The following MAGI2 variants were observed in gnomAD, a reference collection of about 807,000 sequenced individuals.
MAGI2 encodes the protein membrane associated guanylate kinase, WW and PDZ domain containing 2.
MAGI2 carries 35 observed loss-of-function variants against 133.3 expected under a neutral mutation model. The observed-to-expected ratio is 0.26, with a 90% confidence interval of 0.20 to 0.35. The LOEUF (loss-of-function observed/expected upper bound fraction) is 0.35. MAGI2 is among the 10% of genes least tolerant of loss of function. The pLI, the probability that MAGI2 is intolerant of heterozygous loss-of-function variation, is 1.00. For synonymous variants in MAGI2, 729 were observed against 710.6 expected (o/e 1.03, Z -0.41); for missense variants, 1,636 against 1,863.4 (o/e 0.88, Z 2.25).
intron 3 of MAGI2, among the ~76,000 whole-genome samples, chr7:78,546,337 T>C (rs1312934862): frequency 6.6e-6 from 1 of 152,100 alleles, no homozygotes; most frequent in Non-Finnish European, 1.5e-5. Context: ...TGCAGCACAA[T>C]ATTTGCTATA....
chr7:78,821,511 A>G (rs1276304699), intron 2 of MAGI2, among the ~76,000 whole-genome samples: 2 of 152,054 alleles, frequency 1.3e-5, no homozygotes. Flanking sequence ...ACAAAACTAC[A>G]GACTATAGAA....
intron 2 of MAGI2, among the ~76,000 whole-genome samples, chr7:78,927,464 G>A (rs974230972): frequency 1.3e-5 from 2 of 151,850 alleles, no homozygotes; most frequent in Non-Finnish European, 1.5e-5. Context: ...TCCAAATTCA[G>A]TGAACGTCAT....
chr7:78,980,550 G>T (rs1804691625), intron 2 of MAGI2, among the ~76,000 whole-genome samples: 1 of 151,800 alleles, frequency 6.6e-6, no homozygotes, highest in Non-Finnish European at 1.5e-5. Context: ...CAACGCTAAT[G>T]ACATCTCTCC....
chr7:78,798,662 C>T (rs1054984556), intron 2 of MAGI2, among the ~76,000 whole-genome samples: 8 of 152,130 alleles, frequency 5.3e-5, no homozygotes, highest in Non-Finnish European at 1.2e-4. Context: ...GTCCTGTGGT[C>T]ATTTCCCAAT....
At chr7:79,111,492 T>A (rs1317573846) in intron 1 of MAGI2, among the ~76,000 whole-genome samples, 1 of 152,248 alleles carries the variant, frequency 6.6e-6, no homozygotes, top group Admixed American at 6.5e-5. Flanking sequence ...AAAATCTACC[T>A]GAATTCTTTA....
At chr7:78,034,018 C>T (rs1430390971) in intron 21 of MAGI2, among the ~76,000 whole-genome samples, 1 of 152,140 alleles carries the variant, frequency 6.6e-6, no homozygotes, top group Admixed American at 6.6e-5. Context: ...TGGATTACAA[C>T]TTATTGTGGT....
intron 2 of MAGI2, among the ~76,000 whole-genome samples, chr7:78,655,676 T>C (rs1812160145): frequency 1.3e-5 from 2 of 151,868 alleles, no homozygotes; most frequent in Non-Finnish European, 1.5e-5. Flanking sequence ...AGAGAAGATA[T>C]GTGTTTAGAA....
intron 1 of MAGI2, among the ~76,000 whole-genome samples, chr7:79,121,736 A>G (rs1050290576): frequency 6.6e-6 from 1 of 152,168 alleles, no homozygotes; most frequent in African/African-American, 2.4e-5. Flanking sequence ...TATTAAAAAT[A>G]CTAATGAAAG....
chr7:78,641,820 CT>C (rs1308630414), intron 2 of MAGI2, among the ~76,000 whole-genome samples: 60 of 152,168 alleles, frequency 3.9e-4, no homozygotes, highest in African/African-American at 1.3e-3. Flanking sequence ...GAGGATTGTT[CT>C]TATGCAATCT....
chr7:78,114,380 C>T (rs1192719898), intron 20 of MAGI2, among the ~76,000 whole-genome samples: 1 of 152,198 alleles, frequency 6.6e-6, no homozygotes, highest in East Asian at 1.9e-4. Flanking sequence ...AACTTTTTCC[C>T]ACTGGGAAAT....
At chr7:79,224,826 T>C (rs889899004) in intron 1 of MAGI2, among the ~76,000 whole-genome samples, 7 of 152,142 alleles carry the variant, frequency 4.6e-5, no homozygotes, top group Non-Finnish European at 8.8e-5. Context: ...GGGTAGGGCA[T>C]TGACTACAAA....
intron 1 of MAGI2, among the ~76,000 whole-genome samples, chr7:79,435,484 T>A (rs1848072015): frequency 1.3e-5 from 2 of 152,228 alleles, no homozygotes; most frequent in African/African-American, 4.8e-5. Flanking sequence ...TATATATCAA[T>A]TCTGCATAAA....
At chr7:78,253,013 ACTT>A (rs1339700112) in intron 10 of MAGI2, 2 of 151,982 alleles carry the variant, frequency 1.3e-5, no homozygotes, top group African/African-American at 4.8e-5. Flanking sequence ...AAAACATTCT[ACTT>A]CTTAACAATT....
chr7:78,928,632 G>T (rs2151650964), intron 2 of MAGI2, among the ~76,000 whole-genome samples: 1 of 152,092 alleles, frequency 6.6e-6, no homozygotes, highest in Non-Finnish European at 1.5e-5. Flanking sequence ...GCTTAGGTAG[G>T]CCCTCAATAA....
intron 1 of MAGI2, among the ~76,000 whole-genome samples, chr7:79,162,914 T>C (rs943494416): frequency 6.6e-6 from 1 of 152,044 alleles, no homozygotes; most frequent in African/African-American, 2.4e-5. Flanking sequence ...AAAATAATAA[T>C]TTTAAGAGGT....
At chr7:79,209,348 TAA>T (rs1272220281) in intron 1 of MAGI2, among the ~76,000 whole-genome samples, 1 of 152,080 alleles carries the variant, frequency 6.6e-6, no homozygotes, top group African/African-American at 2.4e-5. Context: ...TGATTACACA[TAA>T]AGTGTTTTGA....
At chr7:78,819,258 T>C (rs1391654347) in intron 2 of MAGI2, among the ~76,000 whole-genome samples, 1 of 152,132 alleles carries the variant, frequency 6.6e-6, no homozygotes, top group Non-Finnish European at 1.5e-5. Flanking sequence ...AGAGATTTCT[T>C]ACAGGTTGAA....
At chr7:79,139,136 A>G (rs1353718747) in intron 1 of MAGI2, among the ~76,000 whole-genome samples, 1 of 152,186 alleles carries the variant, frequency 6.6e-6, no homozygotes, top group Admixed American at 6.5e-5. Flanking sequence ...TTGAACTTCC[A>G]GCCTCCAGAA....
chr7:78,315,048 A>C (rs1303533257), intron 9 of MAGI2, among the ~76,000 whole-genome samples: 1 of 152,162 alleles, frequency 6.6e-6, no homozygotes, highest in East Asian at 1.9e-4. Context: ...ACAACTGTCC[A>C]TTTGTATAAC....
Sources: gnomAD v4.1 joint callset for allele counts (sites outside exome capture counted in the v4.1 genomes callset) on GRCh38, gnomAD v4.1.1 for gene constraint, MANE v1.5 for transcripts, NCBI Gene and HGNC (gene_info 2026-07-23, HGNC 2026-07-21) for gene names.